SPPL2A: variants seen among roughly 807,000 people sequenced by gnomAD.
SPPL2A encodes signal peptide peptidase like 2A.
Under a neutral mutation model 63.8 loss-of-function variants are expected in SPPL2A, and 51 were observed. The ratio of observed to expected loss-of-function variants is 0.80; its 90% CI spans 0.64 to 1.01. The LOEUF is 1.01. SPPL2A is among the 50% of genes least tolerant of loss of function. The probability of loss-of-function intolerance (pLI) is 0.00; values close to 1 mark genes in which losing one functional copy is unlikely to be tolerated. For synonymous variants in SPPL2A, 188 were observed against 205.8 expected (o/e 0.91, Z 0.74); for missense variants, 553 against 622.7 (o/e 0.89, Z 1.19).
At chr15:50,739,851 T>C (rs1304790675) in intron 5 of SPPL2A, 23 bp from the exon 6 acceptor site, 2 of 1,557,402 alleles carry the variant, frequency 1.3e-6, no homozygotes, top group South Asian at 1.2e-5. Flanking sequence ...ACAGGAACTT[T>C]AGCAAATCTT....
chr15:50,732,422 G>A (rs1281490460), intron 9 of SPPL2A, among the ~76,000 whole-genome samples, 181 bp downstream of exon 9: 1 of 152,054 alleles, frequency 6.6e-6, no homozygotes, highest in Non-Finnish European at 1.5e-5. Flanking sequence ...TAGAGCTTTT[G>A]GAAGAGATGA....
rs1196710672 is a variant in SPPL2A, at chr15:50,703,356, A to ATAT, written c.*4443_*4444insATA. On this transcript the variant is annotated 3_prime_UTR_variant, in exon 15 of 15. Transcript: ENST00000261854. ...TATATATATATATATACATATATATATTTTTTTTTTTTTTTTTTTTTTTTG... is the reference window on the plus strand; with the variant it reads ...TATATATATATATATACATATATATATATTTTTTTTTTTTTTTTTTTTTTTTTG... The ATAT allele has an allele frequency of 1.3e-4, 8 of 62,042 alleles. 1 individual carries two copies. The highest frequency in any genetic ancestry group is 9.9e-4 in the Admixed American group (4 of 4,034). 3.8% of individuals were successfully genotyped at this position (62,042 alleles called of 1,614,324 possible).
intron 6 of SPPL2A, among the ~76,000 whole-genome samples, chr15:50,737,668 C>T (rs4775902): frequency 6.6e-6 from 1 of 151,890 alleles, no homozygotes; most frequent in South Asian, 2.1e-4. Flanking sequence ...GGCCAGGCTG[C>T]TCTTGAACCC....
At position 50,703,356 on chromosome 15, in the gene SPPL2A, A is replaced by ATATATATTTTTTTTTT; in HGVS notation, c.*4443_*4444insAAAAAAAAAATATATA. ...TATATATATATATATACATATATAT[A>ATATATATTTTTTTTTT]TTTTTTTTTTTTTTTTTTTTTTTTG... On this transcript the variant is annotated 3_prime_UTR_variant, in exon 15 of 15. Coordinates refer to ENST00000261854, the MANE Select transcript of SPPL2A (RefSeq NM_032802.4). 1.6e-5 allele frequency: 1 copy of ATATATATTTTTTTTTT among 62,042 alleles called. No individual in the cohort carries two copies. The highest frequency in any genetic ancestry group is 7.0e-5 in the African/African-American group (1 of 14,240). 3.8% of individuals were successfully genotyped at this position (62,042 alleles called of 1,614,324 possible).
Position 50,725,330 on chromosome 15 carries a change from AAAAACAAAAC to A in SPPL2A, c.1147-17_1147-8del, listed in dbSNP as rs140174698. On this transcript the variant is annotated splice_polypyrimidine_tract_variant and splice_region_variant and intron_variant, in intron 11 of 14. Coordinates refer to ENST00000261854, the MANE Select transcript of SPPL2A (RefSeq NM_032802.4). ...CTCTGATGACTACTGGCAACTGTTC[AAAAACAAAAC>A]AAAACAAAACAAAACAAAACAAAAA... The A allele has an allele frequency of 4.7e-4, 585 of 1,241,216 alleles. 3 individuals are homozygous for A. In the East Asian group the frequency reaches 7.6e-3, roughly 16 times the overall value. The allele number at this position is 1,241,216 out of a possible 1,614,324, so 76.9% of individuals were successfully genotyped here.
intron 14 of SPPL2A, among the ~76,000 whole-genome samples, chr15:50,714,631 CAA>C (rs71127125): frequency 2.8e-4 from 32 of 114,258 alleles, no homozygotes; most frequent in South Asian, 1.5e-3. Context: ...AACTCCATCT[CAA>C]AAAAAAAAAA....
Position 50,704,596 on chromosome 15 carries a change from A to G in SPPL2A, c.*3204T>C, listed in dbSNP as rs529693482. Reference sequence around the variant, plus strand: ...CATTATTTTAAAGACATGTTTAGGGAAAAAACCAGCTTCTCTTCCCCTTAA... The same window carrying G: ...CATTATTTTAAAGACATGTTTAGGGGAAAAACCAGCTTCTCTTCCCCTTAA... On this transcript the variant is annotated 3_prime_UTR_variant, in exon 15 of 15. Transcript: ENST00000261854. 3.3e-5 allele frequency: 5 copies of G among 152,154 alleles called. No homozygotes were observed. The South Asian group carries it at 1.0e-3, about 31-fold the overall frequency. 9.4% of individuals were successfully genotyped at this position (152,154 alleles called of 1,614,324 possible). A position where few individuals can be genotyped will look rare whatever the true frequency, so the allele number is the denominator to read the frequency against.
At chr15:50,709,138 G>T (rs2141016016) in intron 14 of SPPL2A, among the ~76,000 whole-genome samples, 1 of 152,192 alleles carries the variant, frequency 6.6e-6, no homozygotes, top group Admixed American at 6.5e-5. Context: ...AATGAAGGAT[G>T]AAGAAACTGT....
intron 14 of SPPL2A, among the ~76,000 whole-genome samples, chr15:50,716,625 C>T (rs934700640): frequency 2.0e-5 from 3 of 152,316 alleles, no homozygotes; most frequent in African/African-American, 7.2e-5. Flanking sequence ...AGCACATGTG[C>T]TCTCACTAAC....
In SPPL2A at chr15:50,703,926, T is replaced by C. The variant is rs1354562964; in HGVS notation, c.*3874A>G. The C allele has an allele frequency of 6.6e-6, 1 of 152,120 alleles. No homozygotes were observed. The highest frequency in any genetic ancestry group is 1.5e-5 in the Non-Finnish European group (1 of 68,026). The allele number at this position is 152,120 out of a possible 1,614,324, so 9.4% of individuals were successfully genotyped here. A position where few individuals can be genotyped will look rare whatever the true frequency, so the allele number is the denominator to read the frequency against. On this transcript the variant is annotated 3_prime_UTR_variant, in exon 15 of 15. Coordinates refer to ENST00000261854, the MANE Select transcript of SPPL2A (RefSeq NM_032802.4). ...AGCTCATTTGTATTTATTATAAATGTATCAATTCACTAAAATCTCTATGGA... is the reference window on the plus strand; with the variant it reads ...AGCTCATTTGTATTTATTATAAATGCATCAATTCACTAAAATCTCTATGGA...
At chr15:50,732,517 G>C in intron 9 of SPPL2A, 86 bp downstream of exon 9, 3 of 749,604 alleles carry the variant, frequency 4.0e-6, no homozygotes, top group Non-Finnish European at 6.6e-6. Context: ...AAAAATTGGC[G>C]CATTTAATTG....
At chr15:50,737,100 C>A (rs750265507) in intron 6 of SPPL2A, among the ~76,000 whole-genome samples, 1 of 151,858 alleles carries the variant, frequency 6.6e-6, no homozygotes, top group Non-Finnish European at 1.5e-5. Flanking sequence ...TTTTAGTAGA[C>A]GGGGTTTTGT....
At chr15:50,751,627 C>T (rs897231219) in intron 1 of SPPL2A, among the ~76,000 whole-genome samples, 2 of 152,056 alleles carry the variant, frequency 1.3e-5, no homozygotes, top group African/African-American at 4.8e-5. Context: ...ACATGTTTTT[C>T]CCTTTATGTT....
At chr15:50,735,554 C>T (rs1194239460) in intron 8 of SPPL2A, among the ~76,000 whole-genome samples, 1 of 151,814 alleles carries the variant, frequency 6.6e-6, no homozygotes, top group Non-Finnish European at 1.5e-5. Flanking sequence ...TACACACACA[C>T]ACACACACAC....
intron 8 of SPPL2A, among the ~76,000 whole-genome samples, chr15:50,734,347 T>C (rs983344706): frequency 6.6e-6 from 1 of 152,148 alleles, no homozygotes; most frequent in Non-Finnish European, 1.5e-5. Context: ...AATAATGAAG[T>C]CTTGTCATTT....
At position 50,748,810 on chromosome 15, in the gene SPPL2A, G is replaced by A. The variant is rs1224908994; in HGVS notation, c.238C>T (p.Pro80Ser). The stretch of plus-strand genomic sequence containing the variant: ...ACTGCTTTGCTCTTTATGCCAACAG[G>A]AGGAATATCAGAAAGGTTGCATAGT... Reference protein sequence around the residue: ...TPLCNLSDIPPVGIKSKAVVV... With the variant: ...TPLCNLSDIPSVGIKSKAVVV... Residue 80 changes from proline (P) to serine (S), a missense_variant, in exon 3 of 15, where the codon CCT becomes TCT. By Grantham distance (74) the Pro-to-Ser change is moderately conservative (BLOSUM62 -1). Transcript: ENST00000261854. The A allele has an allele frequency of 2.5e-6, 4 of 1,611,414 alleles. No homozygotes were observed. The East Asian group carries it at 6.7e-5, about 27-fold the overall frequency.
At chr15:50,727,853 A>G (rs1282935935) in intron 10 of SPPL2A, among the ~76,000 whole-genome samples, 1 of 152,254 alleles carries the variant, frequency 6.6e-6, no homozygotes, top group African/African-American at 2.4e-5. Flanking sequence ...AGAAGGTATT[A>G]AAGTAAATCT....
At chr15:50,759,758 A>C (rs933671518) in intron 1 of SPPL2A, among the ~76,000 whole-genome samples, 6 of 151,976 alleles carry the variant, frequency 3.9e-5, no homozygotes, top group Non-Finnish European at 4.4e-5. Flanking sequence ...AAAAAAAAGA[A>C]AGAAAAGAAA....
chr15:50,743,370 G>C (rs2062836807), intron 5 of SPPL2A: 1 of 152,136 alleles, frequency 6.6e-6, no homozygotes, highest in Middle Eastern at 3.2e-3. Context: ...TTTTGAGATA[G>C]GATTTTGCTC....
Sources: allele counts gnomAD v4.1 joint callset (sites outside exome capture counted in the v4.1 genomes callset), GRCh38; gene constraint gnomAD v4.1.1; transcripts MANE v1.5; gene names NCBI Gene and HGNC (gene_info 2026-07-23, HGNC 2026-07-21).